Variants in RBMS3 observed in about 807,000 individuals in gnomAD.
RBMS3 encodes RNA binding motif single stranded interacting protein 3, also known as RNA-binding motif, single-stranded-interacting protein 3.
Under a neutral mutation model 66.8 loss-of-function variants are expected in RBMS3, and 27 were observed. That is an observed-to-expected ratio of 0.40 (90% CI 0.30 to 0.56). The LOEUF is 0.56. Ranked by LOEUF, RBMS3 falls within the 20% of genes least tolerant of loss-of-function variation. The pLI is 0.40. For missense variants in RBMS3, 513 were observed against 549.5 expected, an observed-to-expected ratio of 0.93 and a Z score of 0.66; for synonymous variants, 188 against 183.0, an observed-to-expected ratio of 1.03 and a Z score of -0.22.
intron 6 of RBMS3, chr3:29,766,281 T>C (rs1035227746): frequency 2.0e-5 from 3 of 151,968 alleles, no homozygotes; most frequent in Admixed American, 6.6e-5. Flanking sequence ...TTTCCTGAGA[T>C]GATCATCTAG....
At chr3:29,702,931 A>G (rs1439304468) in intron 4 of RBMS3, among the ~76,000 whole-genome samples, 1 of 152,202 alleles carries the variant, frequency 6.6e-6, no homozygotes, top group African/African-American at 2.4e-5. Context: ...TCCGGACACA[A>G]TAGGAAGCTG....
At chr3:29,749,709 A>G (rs1039841704) in intron 5 of RBMS3, among the ~76,000 whole-genome samples, 5 of 152,172 alleles carry the variant, frequency 3.3e-5, no homozygotes, top group African/African-American at 7.2e-5. Context: ...GAACCATGTA[A>G]AAATGTATCA....
intron 4 of RBMS3, among the ~76,000 whole-genome samples, chr3:29,632,118 T>C (rs1312103427): frequency 6.6e-6 from 1 of 151,972 alleles, no homozygotes; most frequent in Non-Finnish European, 1.5e-5. Flanking sequence ...AGCCTGGGCA[T>C]GTGCTTTGAT....
At chr3:29,815,859 G>A (rs201682314) in intron 6 of RBMS3, among the ~76,000 whole-genome samples, 1 of 151,844 alleles carries the variant, frequency 6.6e-6, no homozygotes, top group Non-Finnish European at 1.5e-5. Flanking sequence ...GGTGATGGGT[G>A]CACCAAAATC....
At chr3:29,469,259 A>G (rs2042640340) in intron 2 of RBMS3, among the ~76,000 whole-genome samples, 1 of 152,110 alleles carries the variant, frequency 6.6e-6, no homozygotes, top group South Asian at 2.1e-4. Context: ...AACATTGGTA[A>G]GGCTGTGGAG....
chr3:29,357,217 G>T (rs2037276132), intron 1 of RBMS3, among the ~76,000 whole-genome samples: 1 of 151,204 alleles, frequency 6.6e-6, no homozygotes, highest in African/African-American at 2.4e-5. Flanking sequence ...CCCCACAACA[G>T]GCCCCGGTGT....
chr3:29,479,518 A>G (rs1467103494), intron 2 of RBMS3, among the ~76,000 whole-genome samples: 1 of 151,818 alleles, frequency 6.6e-6, no homozygotes, highest in Non-Finnish European at 1.5e-5. Flanking sequence ...ATCAACAGAC[A>G]ACATATAAAA....
chr3:29,771,834 C>T (rs1249097317), intron 6 of RBMS3, among the ~76,000 whole-genome samples: 1 of 151,958 alleles, frequency 6.6e-6, no homozygotes, highest in African/African-American at 2.4e-5. Context: ...GGAGGTGCTA[C>T]ACACTTTTTG....
chr3:29,445,242 T>C (rs1279430404), intron 2 of RBMS3, among the ~76,000 whole-genome samples: 1 of 152,050 alleles, frequency 6.6e-6, no homozygotes, highest in Admixed American at 6.6e-5. Flanking sequence ...TCTTAGATGC[T>C]ACATCCAATG....
At chr3:29,981,130 C>G (rs149501493) in intron 12 of RBMS3, among the ~76,000 whole-genome samples, 2 of 152,098 alleles carry the variant, frequency 1.3e-5, no homozygotes, top group Non-Finnish European at 2.9e-5. Flanking sequence ...TCATAGTTCT[C>G]CTTGAAATGA....
At chr3:29,360,619 A>G (rs11716364) in intron 1 of RBMS3, among the ~76,000 whole-genome samples, 15,573 of 151,926 alleles carry the variant, frequency 0.1, 1,031 homozygotes, top group East Asian at 0.22. Context: ...TTTCTGTCTC[A>G]TTGATCTGTC....
chr3:29,637,746 C>T (rs1399448302), intron 4 of RBMS3, among the ~76,000 whole-genome samples: 1 of 151,794 alleles, frequency 6.6e-6, no homozygotes, highest in African/African-American at 2.4e-5. Flanking sequence ...GTATTTATTA[C>T]CAGGATACAT....
At chr3:29,900,506 C>T (rs570619940) in intron 10 of RBMS3, among the ~76,000 whole-genome samples, 11 of 151,650 alleles carry the variant, frequency 7.3e-5, no homozygotes, top group Non-Finnish European at 1.6e-4. Context: ...TTGCATTTAT[C>T]TTTGCCTAAG....
intron 6 of RBMS3, among the ~76,000 whole-genome samples, chr3:29,806,517 T>C (rs908852666): frequency 1.3e-5 from 2 of 151,972 alleles, no homozygotes; most frequent in African/African-American, 4.8e-5. Context: ...TTTTGATGGA[T>C]AGTGAAGAAA....
chr3:29,542,962 G>T (rs561704526), intron 3 of RBMS3, among the ~76,000 whole-genome samples: 2 of 152,264 alleles, frequency 1.3e-5, no homozygotes, highest in African/African-American at 4.8e-5. Flanking sequence ...ATTTTTAAAT[G>T]ATTTAAGTTT....
chr3:29,360,867 A>C (rs2037540842), intron 1 of RBMS3, among the ~76,000 whole-genome samples: 1 of 151,974 alleles, frequency 6.6e-6, no homozygotes, highest in South Asian at 2.1e-4. Context: ...CTAGGATTGC[A>C]ACCCCTGCCT....
At chr3:29,299,573 A>G (rs982897120) in intron 1 of RBMS3, among the ~76,000 whole-genome samples, 1 of 151,936 alleles carries the variant, frequency 6.6e-6, no homozygotes, top group Non-Finnish European at 1.5e-5. Context: ...GTGGGGGTAG[A>G]AATTATTTGA....
At chr3:29,385,829 A>G (rs548045741) in intron 1 of RBMS3, among the ~76,000 whole-genome samples, 1 of 152,252 alleles carries the variant, frequency 6.6e-6, no homozygotes, top group African/African-American at 2.4e-5. Flanking sequence ...CAGGCATCTT[A>G]CTTTTGGGTC....
At chr3:29,282,158 G>C (rs555476612) in intron 1 of RBMS3, among the ~76,000 whole-genome samples, 2 of 152,068 alleles carry the variant, frequency 1.3e-5, no homozygotes, top group Non-Finnish European at 1.5e-5. Context: ...GCTCTAAAAG[G>C]GTTTTTCCCA....
Sources: gnomAD v4.1 joint callset for allele counts (sites outside exome capture counted in the v4.1 genomes callset) on GRCh38, gnomAD v4.1.1 for gene constraint, MANE v1.5 for transcripts, NCBI Gene and HGNC (gene_info 2026-07-23, HGNC 2026-07-21) for gene names.